Variants in CSMD3 observed in about 807,000 individuals in gnomAD.
The protein encoded by CSMD3 is CUB and Sushi multiple domains 3.
A neutral mutation model predicts 435.2 loss-of-function variants in CSMD3; 177 were observed. That is an observed-to-expected ratio of 0.41 (90% CI 0.36 to 0.46). The LOEUF (loss-of-function observed/expected upper bound fraction) is 0.46, where lower values mean the gene tolerates loss of function less well. Ranked by LOEUF, CSMD3 falls within the 20% of genes least tolerant of loss-of-function variation. CSMD3 has a pLI of 0.34. For missense variants in CSMD3, 4,265 were observed against 4,504.6 expected (o/e 0.95, Z 1.52); for synonymous variants, 1,656 against 1,520.5 (o/e 1.09, Z -2.07).
At chr8:113,388,295 T>C (rs971655331) in intron 1 of CSMD3, among the ~76,000 whole-genome samples, 6 of 151,436 alleles carry the variant, frequency 4.0e-5, no homozygotes, top group Non-Finnish European at 7.4e-5. Flanking sequence ...CAATGGAATA[T>C]AATGGAGATA....
chr8:112,898,813 G>T (rs751332389), intron 10 of CSMD3, among the ~76,000 whole-genome samples: 12 of 151,136 alleles, frequency 7.9e-5, no homozygotes, highest in Non-Finnish European at 1.3e-4. Flanking sequence ...ATTATAAGAA[G>T]ATATGCTGCA....
At chr8:112,883,954 A>G (rs755023914) in intron 10 of CSMD3, among the ~76,000 whole-genome samples, 1 of 151,928 alleles carries the variant, frequency 6.6e-6, no homozygotes, top group Non-Finnish European at 1.5e-5. Flanking sequence ...GACACTAAAC[A>G]GGCTGAAGTC....
chr8:112,671,844 G>A (rs755116217), intron 16 of CSMD3, among the ~76,000 whole-genome samples: 12 of 151,892 alleles, frequency 7.9e-5, no homozygotes, highest in Non-Finnish European at 1.6e-4. Flanking sequence ...AAAGTCAGGG[G>A]GTAGAATATT....
chr8:112,258,092 A>G lies in CSMD3; in HGVS notation c.9863-2665T>C, dbSNP rs1031982341. On this transcript the variant is annotated intron_variant, in intron 61 of 70. Coordinates refer to ENST00000297405, the MANE Select transcript of CSMD3 (RefSeq NM_198123.2). ...TGGTGAGCCATACGCAGAAAACTGA[A>G]ACTGTACCCCTTCCTTATACCTTAT... Among the ~76,000 whole-genome samples the G allele has an allele frequency of 2.0e-5, 3 of 152,208 alleles. No individual in the cohort carries two copies. The East Asian group carries it at 5.8e-4, about 29-fold the overall frequency.
rs768083257 is a variant in CSMD3 at position 112,844,737 on chromosome 8, C to T, written c.1755+14408G>A. ...TATCTTGTTTAAGTCTCTGTTAATG[C>T]GTTTTCTGTCACTGACATCCAAACC... On this transcript the variant is annotated intron_variant, in intron 11 of 70. Transcript: ENST00000297405. 3.3e-5 allele frequency among the ~76,000 whole-genome samples: 5 copies of T among 151,784 alleles called. 1 individual carries two copies. The highest frequency in any genetic ancestry group is 1.2e-4 in the African/African-American group (5 of 41,340).
chr8:113,203,564 C>A (rs1403108051), intron 3 of CSMD3, among the ~76,000 whole-genome samples: 1 of 151,760 alleles, frequency 6.6e-6, no homozygotes, highest in Non-Finnish European at 1.5e-5. Flanking sequence ...TGGTCAAATG[C>A]TCTCTATATA....
chr8:113,423,514 G>A (rs1402999576), intron 1 of CSMD3, among the ~76,000 whole-genome samples: 1 of 151,998 alleles, frequency 6.6e-6, no homozygotes, highest in Non-Finnish European at 1.5e-5. Context: ...AACAAAGTGA[G>A]TTGAAAGGCA....
intron 4 of CSMD3, among the ~76,000 whole-genome samples, chr8:113,163,042 A>G (rs994594874): frequency 2.0e-5 from 3 of 152,164 alleles, no homozygotes; most frequent in Non-Finnish European, 4.4e-5. Context: ...AATCAGCAAT[A>G]GCTATTGACC....
intron 1 of CSMD3, among the ~76,000 whole-genome samples, chr8:113,393,800 T>C (rs993823914): frequency 1.3e-5 from 2 of 152,106 alleles, no homozygotes; most frequent in Non-Finnish European, 2.9e-5. Context: ...GGTCAGGAAA[T>C]CTATCATTTT....
At position 113,263,685 on chromosome 8, in the gene CSMD3, A is replaced by G. The variant is rs60419067; in HGVS notation, c.514+14907T>C. On this transcript the variant is annotated intron_variant, in intron 3 of 70. Coordinates refer to ENST00000297405, the MANE Select transcript of CSMD3 (RefSeq NM_198123.2). ...CTCACACTTGGTAGCATTAAAATTC[A>G]CTTGAACATATATGATTAAAAGAAC... Among the ~76,000 whole-genome samples, 536 of 152,000 alleles carry G rather than the reference A, an allele frequency of 3.5e-3. 2 individuals are homozygous for G. The highest frequency in any genetic ancestry group is 0.012 in the African/African-American group (499 of 41,534).
chr8:112,723,276 G>A (rs1404110461), intron 13 of CSMD3, among the ~76,000 whole-genome samples: 2 of 152,078 alleles, frequency 1.3e-5, no homozygotes, highest in Non-Finnish European at 2.9e-5. Flanking sequence ...AATAATGACA[G>A]AACACATGCT....
intron 1 of CSMD3, among the ~76,000 whole-genome samples, chr8:113,409,202 C>T (rs1300703173): frequency 6.6e-6 from 1 of 150,708 alleles, no homozygotes; most frequent in Non-Finnish European, 1.5e-5. Flanking sequence ...CTTGCCTCAG[C>T]TTCCTGAGTA....
intron 45 of CSMD3, among the ~76,000 whole-genome samples, chr8:112,330,795 A>T (rs1313092621): frequency 6.6e-6 from 1 of 152,130 alleles, no homozygotes; most frequent in African/African-American, 2.4e-5. Context: ...TTTATATACC[A>T]TTAAATATAA....
intron 7 of CSMD3, among the ~76,000 whole-genome samples, chr8:112,960,385 T>C (rs1200559238): frequency 6.6e-6 from 1 of 151,752 alleles, no homozygotes; most frequent in African/African-American, 2.4e-5. Flanking sequence ...TTTACTACTG[T>C]ATTAATAATA....
intron 32 of CSMD3, among the ~76,000 whole-genome samples, chr8:112,422,909 T>G (rs1415603632): frequency 6.6e-6 from 1 of 152,148 alleles, no homozygotes; most frequent in Non-Finnish European, 1.5e-5. Context: ...AGAATATCAA[T>G]GTGGGAAGAG....
chr8:113,236,265 T>A (rs1251880596), intron 3 of CSMD3, among the ~76,000 whole-genome samples: 1 of 152,190 alleles, frequency 6.6e-6, no homozygotes, highest in African/African-American at 2.4e-5. Context: ...ACAGCTACCA[T>A]AAAAAGAGAT....
intron 27 of CSMD3, among the ~76,000 whole-genome samples, chr8:112,535,714 G>T (rs968782893): frequency 6.6e-6 from 1 of 152,130 alleles, no homozygotes; most frequent in African/African-American, 2.4e-5. Flanking sequence ...GCATCGCCAA[G>T]TCGATCCTAA....
chr8:113,432,432 TGCCCCTGTGTCA>T (rs2094679994), intron 1 of CSMD3, among the ~76,000 whole-genome samples: 1 of 152,226 alleles, frequency 6.6e-6, no homozygotes, highest in Non-Finnish European at 1.5e-5. Flanking sequence ...TCCCTGTGCG[TGCCCCTGTGTCA>T]GCCCCTTAGC....
intron 42 of CSMD3, among the ~76,000 whole-genome samples, chr8:112,340,130 G>A (rs1355451288): frequency 2.0e-5 from 3 of 152,186 alleles, no homozygotes; most frequent in Non-Finnish European, 2.9e-5. Context: ...GTTTTAAGGT[G>A]CATGGCAAAG....
Sources: gnomAD v4.1 joint callset for allele counts (sites outside exome capture counted in the v4.1 genomes callset) on GRCh38, gnomAD v4.1.1 for gene constraint, MANE v1.5 for transcripts, NCBI Gene and HGNC (gene_info 2026-07-23, HGNC 2026-07-21) for gene names.